Variants in CASP8 observed in about 807,000 individuals in gnomAD.
The protein encoded by CASP8 is caspase-8.
CASP8 carries 24 observed loss-of-function variants against 46.3 expected under a neutral mutation model. That is an observed-to-expected ratio of 0.52 (90% CI 0.38 to 0.73). CASP8 has a LOEUF of 0.73. Ranked by LOEUF, CASP8 falls within the 30% of genes least tolerant of loss-of-function variation. The probability of loss-of-function intolerance (pLI) is 0.00; values close to 1 mark genes in which losing one functional copy is unlikely to be tolerated. For missense variants in CASP8, 460 were observed against 559.0 expected, an observed-to-expected ratio of 0.82 and a Z score of 1.79; for synonymous variants, 188 against 200.4, an observed-to-expected ratio of 0.94 and a Z score of 0.52.
intron 2 of CASP8, among the ~76,000 whole-genome samples, chr2:201,234,284 T>TG (rs2126081036): frequency 6.6e-6 from 1 of 152,270 alleles, no homozygotes; most frequent in South Asian, 2.1e-4. Flanking sequence ...TATGAGTGGA[T>TG]GGGGGAAGTA....
chr2:201,258,194 T>C, upstream of CASP8: 1 of 1,605,352 alleles, frequency 6.2e-7, no homozygotes, highest in Non-Finnish European at 8.5e-7. Flanking sequence ...TTTCAAGCCC[T>C]GCTGAATTTG....
rs1949500669 is a variant in CASP8 at position 201,285,229 on chromosome 2, G to A, written c.1216G>A (p.Val406Met). The A allele has an allele frequency of 1.2e-6, 2 of 1,614,112 alleles. No homozygotes were observed. Among genetic ancestry groups the A allele is most frequent in the Non-Finnish European group, 1.7e-6 (2 of 1,180,050 alleles). ...TGACTTTCTGCTGGGGATGGCCACT[G>A]TGAATAACTGTGTTTCCTACCGAAA... ...EADFLLGMAT[V>M]NNCVSYRNPA... The change falls in exon 8 of 9, where the codon GTG (valine) becomes ATG (methionine). Residue 406 changes from valine (V) to methionine (M), a missense_variant. Physicochemically the swap from Val to Met is conservative, Grantham distance 21. Coordinates refer to ENST00000673742, the MANE Select transcript of CASP8 (RefSeq NM_001372051.1).
intron 7 of CASP8, chr2:201,281,839 A>C: frequency 6.8e-7 from 1 of 1,460,744 alleles, no homozygotes; most frequent in Non-Finnish European, 9.1e-7. Flanking sequence ...TCAGGGTTTG[A>C]GAATGTTTTT....
intron 7 of CASP8, among the ~76,000 whole-genome samples, chr2:201,281,107 A>G (rs367725900): frequency 3.9e-4 from 60 of 152,152 alleles, no homozygotes; most frequent in African/African-American, 1.3e-3. Flanking sequence ...TGAGGCTGGG[A>G]GTTTGTGACC....
intron 6 of CASP8, among the ~76,000 whole-genome samples, chr2:201,276,571 T>C (rs769790386): frequency 9.2e-5 from 14 of 152,138 alleles, no homozygotes; most frequent in Non-Finnish European, 1.9e-4. Flanking sequence ...AATAATACAA[T>C]GTGATGACAA....
At position 201,276,958 on chromosome 2, in the gene CASP8, C is replaced by A; in HGVS notation, c.792C>A (p.His264Gln). ...GCATTAGGGACAGGAATGGAACACA[C>A]TTGGATGCAGGTACAGTAGAACCCA... is the stretch of plus-strand genomic sequence containing the variant. ...LHSIRDRNGT[H>Q]LDAGALTTTF... The change falls in exon 7 of 9, where the codon CAC (histidine) becomes CAA (glutamine). Residue 264 changes from histidine (H) to glutamine (Q), a missense_variant. Transcript: ENST00000673742. 1 of 1,612,400 alleles carries A rather than the reference C, an allele frequency of 6.2e-7. No homozygotes were observed. Among genetic ancestry groups the A allele is most frequent in the Non-Finnish European group, 8.5e-7 (1 of 1,178,460 alleles).
At chr2:201,234,616 ATTT>A (rs11407922) in intron 2 of CASP8, among the ~76,000 whole-genome samples, 1 of 145,004 alleles carries the variant, frequency 6.9e-6, no homozygotes, top group Non-Finnish European at 1.5e-5. Context: ...TGCCTGGCTA[ATTT>A]TTTTTTTTGT....
chr2:201,252,278 T>A (rs1263718951), intron 2 of CASP8, among the ~76,000 whole-genome samples: 2 of 152,082 alleles, frequency 1.3e-5, no homozygotes, highest in Non-Finnish European at 2.9e-5. Context: ...TTTTTGTTTT[T>A]GTTTTTGTTT....
intron 1 of CASP8, among the ~76,000 whole-genome samples, chr2:201,263,096 T>C (rs1947538672): frequency 6.6e-6 from 1 of 152,202 alleles, no homozygotes; most frequent in South Asian, 2.1e-4. Context: ...GACGGAGCTA[T>C]GCGCCAATCT....
In CASP8 at chr2:201,286,571, A is replaced by C; in HGVS notation, c.1417A>C (p.Lys473Gln). The C allele has an allele frequency of 6.2e-7, 1 of 1,614,084 alleles. No homozygotes were observed. The highest frequency in any genetic ancestry group is 8.5e-7 in the Non-Finnish European group (1 of 1,179,960). The change falls in exon 9 of 9, where the codon AAA (lysine) becomes CAA (glutamine). Residue 473 changes from lysine to glutamine, a missense_variant. By Grantham distance (53) the Lys-to-Gln change is moderately conservative. Coordinates refer to ENST00000673742, the MANE Select transcript of CASP8 (RefSeq NM_001372051.1). The stretch of plus-strand genomic sequence containing the variant: ...TCAGCCTACTTTCACACTAAGAAAA[A>C]AACTTGTCTTCCCTTCTGATTGATG... ...MPQPTFTLRK[K>Q]LVFPSD
intron 2 of CASP8, among the ~76,000 whole-genome samples, chr2:201,236,753 G>C (rs1172520805): frequency 6.6e-6 from 1 of 151,892 alleles, no homozygotes; most frequent in Non-Finnish European, 1.5e-5. Context: ...ATATAGGTGC[G>C]CACCACCGCA....
intron 6 of CASP8, among the ~76,000 whole-genome samples, chr2:201,275,576 A>G (rs1311893301): frequency 6.6e-6 from 1 of 152,248 alleles, no homozygotes; most frequent in Non-Finnish European, 1.5e-5. Flanking sequence ...ATTATTCACT[A>G]GTGTGGGCTC....
intron 2 of CASP8, among the ~76,000 whole-genome samples, chr2:201,245,889 C>T (rs1376999797): frequency 5.2e-5 from 6 of 114,398 alleles, no homozygotes; most frequent in South Asian, 2.4e-4. Context: ...TTTTTTGAGA[C>T]GGAGTTTCGC....
intron 2 of CASP8, among the ~76,000 whole-genome samples, chr2:201,235,104 T>A (rs1945993027): frequency 6.6e-6 from 1 of 152,210 alleles, no homozygotes; most frequent in Non-Finnish European, 1.5e-5. Flanking sequence ...ACTGCTTGTC[T>A]GTCTTTCTTA....
intron 7 of CASP8, among the ~76,000 whole-genome samples, chr2:201,284,303 G>C (rs1475622186): frequency 1.5e-5 from 1 of 68,024 alleles, no homozygotes; most frequent in African/African-American, 6.0e-5. Context: ...CTGCAATCTC[G>C]GCTCTTTGGG....
At position 201,272,302 on chromosome 2, in the gene CASP8, C is replaced by T. The variant is rs1362332974; in HGVS notation, c.412-336C>T. Among the ~76,000 whole-genome samples, 2 of 151,862 alleles carry T rather than the reference C, an allele frequency of 1.3e-5. No homozygotes were observed. Among genetic ancestry groups the T allele is most frequent in the African/African-American group, 4.8e-5 (2 of 41,328 alleles). Reference sequence around the variant, plus strand: ...GGCAATGCTGGGGGTGAGGCTGTTCCCCAGGGTGTCACCATGATGACCGGG... The same window carrying T: ...GGCAATGCTGGGGGTGAGGCTGTTCTCCAGGGTGTCACCATGATGACCGGG... On this transcript the variant is annotated intron_variant, in intron 3 of 8. Transcript: ENST00000673742. The surrounding 1 kb of genome is among the most constrained non-coding windows in gnomAD (Gnocchi z 4.4).
intron 2 of CASP8, among the ~76,000 whole-genome samples, chr2:201,243,301 A>G (rs1489583061): frequency 2.0e-5 from 3 of 152,210 alleles, no homozygotes; most frequent in Non-Finnish European, 4.4e-5. Flanking sequence ...TCCTATACAT[A>G]AAAAGGTCAA....
intron 2 of CASP8, chr2:201,241,872 C>T (rs1946313456): frequency 6.6e-6 from 1 of 152,112 alleles, no homozygotes; most frequent in Non-Finnish European, 1.5e-5. Flanking sequence ...TGGCATTTAT[C>T]CCTAGGATAC....
chr2:201,273,067 T>TC, intron 5 of CASP8, 125 bp downstream of exon 5: 1 of 845,622 alleles, frequency 1.2e-6, no homozygotes, highest in Non-Finnish European at 1.9e-6. Flanking sequence ...TCTTTTTTTT[T>TC]TTTTTTTTGT....
Sources: gnomAD v4.1 joint callset for allele counts (sites outside exome capture counted in the v4.1 genomes callset) on GRCh38, gnomAD v4.1.1 for gene constraint, Gnocchi (gnomAD v3.1) non-coding constraint, MANE v1.5 for transcripts, NCBI Gene and HGNC (gene_info 2026-07-23, HGNC 2026-07-21) for gene names.